Variants in RTF1 observed in about 807,000 individuals in gnomAD.
RTF1 encodes the protein RTF1 homolog, Paf1/RNA polymerase II complex component, also known as RNA polymerase-associated protein RTF1 homolog.
RTF1 carries 10 observed loss-of-function variants against 95.7 expected under a neutral mutation model. The observed-to-expected ratio is 0.10, with a 90% CI of 0.06 to 0.18. RTF1 has a LOEUF of 0.18. Ranked by LOEUF, RTF1 falls within the 10% of genes least tolerant of loss-of-function variation. RTF1 has a pLI of 1.00. For synonymous variants in RTF1, 305 were observed against 311.8 expected (o/e 0.98, Z 0.23); for missense variants, 458 against 875.6 (o/e 0.52, Z 6.02).
At chr15:41,418,784 C>CA (rs753790136) in intron 1 of RTF1, among the ~76,000 whole-genome samples, 1,965 of 52,714 alleles carry the variant, frequency 0.037, 26 homozygotes, top group African/African-American at 0.06. Context: ...AACTCCATCA[C>CA]AAAAAAAAAA....
chr15:41,456,177 T>G (rs1337697214), intron 3 of RTF1, among the ~76,000 whole-genome samples: 2 of 128,326 alleles, frequency 1.6e-5, no homozygotes, highest in East Asian at 2.3e-4. Flanking sequence ...GCAACAAAAG[T>G]GAAACTCCAT....
chr15:41,471,030 G>A, intron 7 of RTF1, 142 bp from the exon 8 acceptor site: 1 of 705,248 alleles, frequency 1.4e-6, no homozygotes, highest in East Asian at 2.7e-5. Flanking sequence ...CCTATTACAA[G>A]TCTTTGCTGG....
intron 1 of RTF1, among the ~76,000 whole-genome samples, chr15:41,434,962 C>CTT (rs36045578): frequency 5.3e-5 from 7 of 131,740 alleles, no homozygotes; most frequent in African/African-American, 1.4e-4. Flanking sequence ...TACAGTAACT[C>CTT]TTTTTTTTTT....
chr15:41,432,342 C>A (rs1209486535), intron 1 of RTF1, among the ~76,000 whole-genome samples: 1 of 149,998 alleles, frequency 6.7e-6, no homozygotes, highest in Non-Finnish European at 1.5e-5. Context: ...GGACTACAGG[C>A]GCTCGCCACC....
intron 1 of RTF1, among the ~76,000 whole-genome samples, chr15:41,433,107 G>T (rs2050683722): frequency 6.6e-6 from 1 of 151,864 alleles, no homozygotes; most frequent in Non-Finnish European, 1.5e-5. Flanking sequence ...TATTAGCTGG[G>T]TGTGGTGGCG....
At chr15:41,455,984 G>A (rs893594539) in intron 3 of RTF1, among the ~76,000 whole-genome samples, 1 of 151,500 alleles carries the variant, frequency 6.6e-6, no homozygotes, top group Non-Finnish European at 1.5e-5. Context: ...AGGCCAAGAC[G>A]GGGATCACCT....
Position 41,446,126 on chromosome 15 carries a change from T to A in RTF1, c.310-6775T>A, listed in dbSNP as rs561155285. 1.1e-4 allele frequency among the ~76,000 whole-genome samples: 16 copies of A among 152,278 alleles called. 1 individual carries two copies. The East Asian group carries it at 3.1e-3, about 29-fold the overall frequency. On this transcript the variant is annotated intron_variant, in intron 2 of 17. Coordinates refer to ENST00000389629, the MANE Select transcript of RTF1 (RefSeq NM_015138.5). ...AAACACATCTTTTTTGTGGCCATTG[T>A]CAGTATCTAGAATAATGACTATAGA...
intron 1 of RTF1, among the ~76,000 whole-genome samples, chr15:41,435,370 T>G (rs1305823250): frequency 6.6e-6 from 1 of 151,798 alleles, no homozygotes; most frequent in African/African-American, 2.4e-5. Flanking sequence ...GTTTGGGTTT[T>G]TTGTTTTGTT....
intron 2 of RTF1, among the ~76,000 whole-genome samples, chr15:41,442,768 C>G (rs1566840463): frequency 3.3e-5 from 5 of 152,020 alleles, no homozygotes; most frequent in Non-Finnish European, 7.4e-5. Flanking sequence ...CACCTGTAGT[C>G]CTAGCTACTC....
At chr15:41,436,584 AC>A (rs1386666078) in intron 1 of RTF1, among the ~76,000 whole-genome samples, 1 of 147,888 alleles carries the variant, frequency 6.8e-6, no homozygotes, top group African/African-American at 2.5e-5. Flanking sequence ...AGATCACACC[AC>A]TGCACTCCAG....
At chr15:41,429,837 T>C (rs1037659013) in intron 1 of RTF1, among the ~76,000 whole-genome samples, 14 of 151,974 alleles carry the variant, frequency 9.2e-5, no homozygotes, top group Non-Finnish European at 2.1e-4. Flanking sequence ...CCTGCACTCA[T>C]TTGATTCACT....
chr15:41,479,242 G>C (rs889828619), intron 16 of RTF1, 44 bp downstream of exon 16: 12 of 1,356,864 alleles, frequency 8.8e-6, no homozygotes, highest in African/African-American at 1.4e-5. Flanking sequence ...GAGGCTGCTG[G>C]CTGAGATACC....
chr15:41,474,077 G>T (rs1372259578), intron 8 of RTF1, among the ~76,000 whole-genome samples: 1 of 152,052 alleles, frequency 6.6e-6, no homozygotes, highest in Non-Finnish European at 1.5e-5. Flanking sequence ...GGGTCTCTCT[G>T]TGTTGCTGAG....
chr15:41,473,256 C>A (rs911203084), intron 8 of RTF1, among the ~76,000 whole-genome samples: 8 of 151,930 alleles, frequency 5.3e-5, no homozygotes, highest in African/African-American at 1.9e-4. Context: ...GCCTCAGCCT[C>A]CCGAGTAGCT....
At chr15:41,467,511 T>C (rs982085641) in intron 6 of RTF1, among the ~76,000 whole-genome samples, 1 of 152,166 alleles carries the variant, frequency 6.6e-6, no homozygotes, top group Non-Finnish European at 1.5e-5. Context: ...GGTCAGGAGC[T>C]TGAGACCAGC....
At position 41,459,716 on chromosome 15, in the gene RTF1, C is replaced by T. The variant is rs1595435466; in HGVS notation, c.662+1840C>T. Among the ~76,000 whole-genome samples the T allele has an allele frequency of 2.0e-5, 3 of 152,288 alleles. No individual in the cohort carries two copies. In the East Asian group the frequency reaches 5.8e-4, roughly 29 times the overall value. On this transcript the variant is annotated intron_variant, in intron 4 of 17. Transcript: ENST00000389629. The stretch of plus-strand genomic sequence containing the variant: ...CATTATGTACAAGTTAGGTATCTGA[C>T]TATCCTCTAGCATGGTTTTTGTATT...
intron 1 of RTF1, among the ~76,000 whole-genome samples, chr15:41,417,827 C>T (rs1258753192): frequency 1.3e-5 from 2 of 152,156 alleles, no homozygotes; most frequent in African/African-American, 2.4e-5. Flanking sequence ...TTCCTAGGAG[C>T]CTCTGCCATG....
intron 6 of RTF1, among the ~76,000 whole-genome samples, chr15:41,468,304 C>T (rs993591130): frequency 6.6e-6 from 1 of 151,922 alleles, no homozygotes; most frequent in Non-Finnish European, 1.5e-5. Flanking sequence ...CATTATCTAG[C>T]CTGCTTCTAT....
intron 1 of RTF1, among the ~76,000 whole-genome samples, chr15:41,435,427 G>T (rs1380165892): frequency 6.7e-6 from 1 of 149,986 alleles, no homozygotes; most frequent in Non-Finnish European, 1.5e-5. Flanking sequence ...CTCCTACCTT[G>T]GCCTCCCAAA....
Sources: gnomAD v4.1 joint callset for allele counts (sites outside exome capture counted in the v4.1 genomes callset) on GRCh38, gnomAD v4.1.1 for gene constraint, MANE v1.5 for transcripts, NCBI Gene and HGNC (gene_info 2026-07-23, HGNC 2026-07-21) for gene names.